MYO7A: variants seen among roughly 807,000 people sequenced by gnomAD.
MYO7A encodes the protein myosin VIIA.
Under a neutral mutation model 263.8 loss-of-function variants are expected in MYO7A, and 210 were observed. The observed-to-expected ratio is 0.80, with a 90% CI of 0.71 to 0.89. The LOEUF is 0.89. MYO7A is among the 40% of genes least tolerant of loss of function. The pLI is 0.00. For synonymous variants in MYO7A, 1,239 were observed against 1,197.3 expected, an observed-to-expected ratio of 1.03 and a Z score of -0.72; for missense variants, 2,820 against 2,968.3, an observed-to-expected ratio of 0.95 and a Z score of 1.16.
At position 77,161,018 on chromosome 11, in the gene MYO7A, G is replaced by A. The variant is rs373894293; in HGVS notation, c.1246G>A (p.Ala416Thr). 5.6e-6 allele frequency: 9 copies of A among 1,612,968 alleles called. No individual in the cohort carries two copies. The African/African-American group carries it at 8.0e-5, about 14-fold the overall frequency. ...CGTGTGGATTGTGGACAAGATCAAC[G>A]CAGCAATTTACAAGCCTCCCTCCCA... ...LFVWIVDKINAAIYKPPSQDV... is the reference protein window; with the variant it reads ...LFVWIVDKINTAIYKPPSQDV... The change falls in exon 12 of 49, where the codon GCA becomes ACA. Residue 416 changes from alanine (A) to threonine (T), a missense_variant. Ala to Thr is a moderately conservative substitution (Grantham distance 58). Transcript: ENST00000409709.
In MYO7A at chr11:77,211,302, C is replaced by A; in HGVS notation, c.6202C>A (p.Leu2068Ile). 1.3e-6 allele frequency: 2 copies of A among 1,583,416 alleles called. No individual in the cohort carries two copies. The highest frequency in any genetic ancestry group is 1.2e-5 in the South Asian group (1 of 86,180). Residue 2068 changes from leucine (L) to isoleucine (I), a missense_variant, in exon 45 of 49, where the codon CTT (leucine) becomes ATT (isoleucine). Physicochemically the swap from Leu to Ile is conservative, Grantham distance 5. Coordinates refer to ENST00000409709, the MANE Select transcript of MYO7A (RefSeq NM_000260.4). ...KLLRELVPQD[L>I]IRQVSPDDWK... is the part of the protein sequence containing the mutation. The stretch of plus-strand genomic sequence containing the variant: ...GCTGCGGGAGCTGGTGCCCCAGGAC[C>A]TTATCCGGCAGGTCTCACCTGATGA...
At chr11:77,152,906 AG>A (rs1329145468) in intron 4 of MYO7A, among the ~76,000 whole-genome samples, 2 of 152,082 alleles carry the variant, frequency 1.3e-5, no homozygotes, top group Admixed American at 1.3e-4. Context: ...CTGAGATGGC[AG>A]GGGATGGAGT....
chr11:77,163,227 C>T (rs1368681531), intron 14 of MYO7A, among the ~76,000 whole-genome samples: 2 of 152,154 alleles, frequency 1.3e-5, no homozygotes, highest in East Asian at 1.9e-4. Flanking sequence ...CCGCCCCAAA[C>T]AGAGGCTCTG....
At chr11:77,198,386 C>T (rs1956824779) in intron 33 of MYO7A, 109 bp from the exon 34 acceptor site, 1 of 1,411,756 alleles carries the variant, frequency 7.1e-7, no homozygotes, top group African/African-American at 1.4e-5. Context: ...GTTTCCATAT[C>T]TATAAAATAG....
At chr11:77,201,787 G>T in intron 36 of MYO7A, 149 bp downstream of exon 36, 2 of 965,770 alleles carry the variant, frequency 2.1e-6, no homozygotes, top group South Asian at 3.5e-5. Context: ...AGTTGGGGCA[G>T]TGCTCAAACC....
chr11:77,135,600 C>T (rs1950882894), intron 2 of MYO7A, among the ~76,000 whole-genome samples: 1 of 152,168 alleles, frequency 6.6e-6, no homozygotes, highest in Admixed American at 6.5e-5. Context: ...AGTAGAATTG[C>T]TGGGTCATAT....
At chr11:77,156,149 G>A (rs1472888053) in intron 5 of MYO7A, 58 bp downstream of exon 5, 9 of 1,576,826 alleles carry the variant, frequency 5.7e-6, no homozygotes, top group East Asian at 2.3e-5. Context: ...CTCCAACTGT[G>A]CGCTCCTGCT....
chr11:77,174,834 T>C lies in MYO7A; in HGVS notation c.2014T>C (p.Tyr672His), dbSNP rs782006250. Residue 672 changes from tyrosine to histidine, a missense_variant, in exon 17 of 49, where the codon TAC becomes CAC. Coordinates refer to ENST00000409709, the MANE Select transcript of MYO7A (RefSeq NM_000260.4). ...METIRIRRAGYPIRYSFVEFV... is the reference protein window; with the variant it reads ...METIRIRRAGHPIRYSFVEFV... ...GACCATCCGAATCCGCCGAGCTGGCTACCCCATCCGCTACAGCTTCGTAGA... is the reference window on the plus strand; with the variant it reads ...GACCATCCGAATCCGCCGAGCTGGCCACCCCATCCGCTACAGCTTCGTAGA... 6.2e-7 allele frequency: 1 copy of C among 1,613,616 alleles called. No individual in the cohort carries two copies. Among genetic ancestry groups the C allele is most frequent in the Non-Finnish European group, 8.5e-7 (1 of 1,179,852 alleles).
rs1171174155 is a variant in MYO7A at position 77,158,336 on chromosome 11, C to T, written c.909C>T (p.Ser303=). Residue 303 remains serine, a synonymous_variant, in exon 9 of 49, where the codon TCC becomes TCT. Coordinates refer to ENST00000409709, the MANE Select transcript of MYO7A (RefSeq NM_000260.4). ...VDSQEYANIR[S]AMKVLMFTDT... Reference sequence around the variant, plus strand: ...GCCAGGAGTACGCCAACATCCGCTCCGCCATGAAGGTGCTCATGTTCACTG... The same window carrying T: ...GCCAGGAGTACGCCAACATCCGCTCTGCCATGAAGGTGCTCATGTTCACTG... 9 of 1,613,236 alleles carry T rather than the reference C, an allele frequency of 5.6e-6. No homozygotes were observed. The highest frequency in any genetic ancestry group is 3.3e-4 in the Middle Eastern group (2 of 6,076).
At chr11:77,178,410 C>T (rs113831278) in intron 19 of MYO7A, among the ~76,000 whole-genome samples, 3 of 49,434 alleles carry the variant, frequency 6.1e-5, no homozygotes, top group Non-Finnish European at 9.3e-5. Context: ...CCATTCATTC[C>T]TCCATTCATC....
intron 3 of MYO7A, among the ~76,000 whole-genome samples, chr11:77,146,864 G>A (rs376431414): frequency 1.4e-4 from 21 of 152,084 alleles, no homozygotes; most frequent in African/African-American, 4.3e-4. Flanking sequence ...AGACCCTCTG[G>A]GGGCGGGGAG....
chr11:77,132,248 T>A (rs782675959), intron 2 of MYO7A, among the ~76,000 whole-genome samples: 12 of 152,038 alleles, frequency 7.9e-5, no homozygotes, highest in Non-Finnish European at 1.3e-4. Context: ...TGGTCCACAG[T>A]CCTCCTCCTT....
intron 3 of MYO7A, among the ~76,000 whole-genome samples, chr11:77,144,575 G>A (rs76740102): frequency 3.3e-5 from 5 of 152,130 alleles, no homozygotes; most frequent in Admixed American, 6.5e-5. Context: ...CTTCCAGACC[G>A]CTCCTTCACA....
intron 3 of MYO7A, among the ~76,000 whole-genome samples, chr11:77,144,542 T>A (rs1056930775): frequency 6.6e-6 from 1 of 152,112 alleles, no homozygotes; most frequent in Non-Finnish European, 1.5e-5. Flanking sequence ...GGGGTTTGCA[T>A]CTGTGGCATT....
chr11:77,198,281 A>T (rs972151232), intron 33 of MYO7A, among the ~76,000 whole-genome samples: 5 of 152,348 alleles, frequency 3.3e-5, no homozygotes, highest in African/African-American at 9.6e-5. Flanking sequence ...GACCAGTGGC[A>T]GGAGTGGGAC....
At position 77,184,625 on chromosome 11, in the gene MYO7A, A is replaced by G. The variant is rs1555087156; in HGVS notation, c.3413A>G (p.Gln1138Arg). 6.3e-7 allele frequency: 1 copy of G among 1,577,526 alleles called. No homozygotes were observed. The highest frequency in any genetic ancestry group is 1.3e-5 in the African/African-American group (1 of 74,290). The change falls in exon 27 of 49, where the codon CAG becomes CGG. Residue 1138 changes from glutamine to arginine, a missense_variant. Transcript: ENST00000409709. ...KRLHDGESTV[Q>R]GNSMLEDRPT... ...CTGCATGACGGGGAGTCCACAGTGC[A>G]GGGCAACAGCATGCTGGAGGACCGG...
intron 42 of MYO7A, among the ~76,000 whole-genome samples, chr11:77,207,702 G>T (rs1218156738): frequency 6.6e-6 from 1 of 152,182 alleles, no homozygotes; most frequent in Non-Finnish European, 1.5e-5. Flanking sequence ...TATTTGCTTT[G>T]ACTGGCCCTT....
At chr11:77,199,416 C>G in intron 34 of MYO7A, 119 bp from the exon 35 acceptor site, 3 of 1,130,602 alleles carry the variant, frequency 2.7e-6, no homozygotes, top group Non-Finnish European at 3.6e-6. Flanking sequence ...GGGTCTCCCT[C>G]TGGGCCATGC....
chr11:77,209,458 G>A (rs1418528490), intron 44 of MYO7A: 1 of 153,062 alleles, frequency 6.5e-6, no homozygotes, highest in Non-Finnish European at 1.5e-5. Context: ...TGCTGTGGCA[G>A]AGAGGACACT....
Sources: allele counts gnomAD v4.1 joint callset (sites outside exome capture counted in the v4.1 genomes callset), GRCh38; gene constraint gnomAD v4.1.1; transcripts MANE v1.5; gene names NCBI Gene and HGNC (gene_info 2026-07-23, HGNC 2026-07-21).